SNX18: variants seen among roughly 807,000 people sequenced by gnomAD.
The protein encoded by SNX18 is sorting nexin-18.
Under a neutral mutation model 48.7 loss-of-function variants are expected in SNX18, and 35 were observed. That is an observed-to-expected ratio of 0.72 (90% confidence interval 0.55 to 0.95). SNX18 has a LOEUF of 0.95. Among genes scored for constraint, SNX18 ranks in the 40% least tolerant of loss-of-function variants. SNX18 has a pLI of 0.00. For missense variants in SNX18, 824 were observed against 871.0 expected, an observed-to-expected ratio of 0.95 and a Z score of 0.68; for synonymous variants, 492 against 384.7, an observed-to-expected ratio of 1.28 and a Z score of -3.26.
At chr5:54,569,800 A>G in the SNX18 span, among the ~76,000 whole-genome samples, 3 of 152,314 alleles carry the variant, frequency 2.0e-5, no homozygotes. Context: ...TAGGCTTGGA[A>G]GACATATAGT....
intron 1 of SNX18, among the ~76,000 whole-genome samples, chr5:54,532,607 T>C (rs955717336): frequency 6.6e-6 from 1 of 152,210 alleles, no homozygotes; most frequent in Non-Finnish European, 1.5e-5. Context: ...CATCTATATT[T>C]GCTTGGCTAC....
At chr5:54,520,530 G>GAGCAGGGAAACCTACTCCTA (rs373838488) in intron 1 of SNX18, 1 of 166,938 alleles carries the variant, frequency 6.0e-6, no homozygotes, top group Admixed American at 6.5e-5. Context: ...ACCTACTCCT[G>GAGCAGGGAAACCTACTCCTA]AGCAGGGAAA....
chr5:54,647,521 C>T, the SNX18 span, among the ~76,000 whole-genome samples: 1 of 152,110 alleles, frequency 6.6e-6, no homozygotes, highest in Non-Finnish European at 1.5e-5. Context: ...CATAGCCTGG[C>T]ATGGTTTGGG....
chr5:54,619,206 T>C, the SNX18 span, among the ~76,000 whole-genome samples: 1 of 152,040 alleles, frequency 6.6e-6, no homozygotes, highest in Non-Finnish European at 1.5e-5. Context: ...AGATGACAGA[T>C]GGTGCATTAA....
Position 54,544,635 on chromosome 5 carries a change from G to GGCC in SNX18, c.*1203_*1204insGCC, listed in dbSNP as rs1762541286. Reference sequence around the variant, plus strand: ...TTAAAAAAAAAAAAGGTATTGATGAGCCCCCCCCCCCCAGGACATTTAACC... The same window carrying GGCC: ...TTAAAAAAAAAAAAGGTATTGATGAGGCCCCCCCCCCCCCCAGGACATTTAACC... On this transcript the variant is annotated 3_prime_UTR_variant, in exon 2 of 2. Coordinates refer to ENST00000381410, the MANE Select transcript of SNX18 (RefSeq NM_001102575.2). 1 of 87,404 alleles carries GGCC rather than the reference G, an allele frequency of 1.1e-5. No individual in the cohort carries two copies. The highest frequency in any genetic ancestry group is 3.9e-5 in the African/African-American group (1 of 25,368). 5.4% of individuals were successfully genotyped at this position (87,404 alleles called of 1,614,324 possible).
At chr5:54,601,879 T>G in the SNX18 span, among the ~76,000 whole-genome samples, 2 of 131,010 alleles carry the variant, frequency 1.5e-5, no homozygotes, top group South Asian at 6.2e-4. Context: ...TGCAAACAAT[T>G]TTTTAAAGAA....
chr5:54,563,942 A>G, the SNX18 span, among the ~76,000 whole-genome samples: 1 of 152,094 alleles, frequency 6.6e-6, no homozygotes, highest in African/African-American at 2.4e-5. Context: ...AAAGGTTTAT[A>G]CATTTCTTTT....
At chr5:54,567,522 C>T in the SNX18 span, among the ~76,000 whole-genome samples, 1 of 152,014 alleles carries the variant, frequency 6.6e-6, no homozygotes, top group Non-Finnish European at 1.5e-5. Flanking sequence ...GCCTGGGAAT[C>T]GAAGATGTTT....
chr5:54,588,303 ATTCTTTTTTTTTTTTT>A, the SNX18 span, among the ~76,000 whole-genome samples: 1 of 100,392 alleles, frequency 1.0e-5, no homozygotes, highest in Non-Finnish European at 2.2e-5. Context: ...TGTTATTTCT[ATTCTTTTTTTTTTTTT>A]TTTTTTTTTT....
chr5:54,529,848 T>C (rs950083593), intron 1 of SNX18, among the ~76,000 whole-genome samples: 2 of 152,212 alleles, frequency 1.3e-5, no homozygotes, highest in East Asian at 3.9e-4. Context: ...CTGATAATGC[T>C]GAAAAATATT....
At chr5:54,593,418 T>C in the SNX18 span, among the ~76,000 whole-genome samples, 2 of 152,192 alleles carry the variant, frequency 1.3e-5, no homozygotes, top group Non-Finnish European at 2.9e-5. Context: ...AGATATACCA[T>C]GTTCATAGAT....
the SNX18 span, among the ~76,000 whole-genome samples, chr5:54,555,859 A>C: frequency 2.0e-5 from 3 of 152,082 alleles, no homozygotes; most frequent in Non-Finnish European, 4.4e-5. Context: ...AATAAAGAAA[A>C]AAAGATTGGG....
the SNX18 span, among the ~76,000 whole-genome samples, chr5:54,581,388 A>G: frequency 5.9e-5 from 9 of 152,206 alleles, no homozygotes; most frequent in Admixed American, 5.9e-4. Flanking sequence ...TGGGATTGCT[A>G]TTGCTCTGGG....
chr5:54,631,460 C>A, the SNX18 span, among the ~76,000 whole-genome samples: 3 of 150,334 alleles, frequency 2.0e-5, no homozygotes, highest in Non-Finnish European at 3.0e-5. Flanking sequence ...TTCTTTTAAC[C>A]TCTCTTTCTG....
chr5:54,580,287 T>C, the SNX18 span, among the ~76,000 whole-genome samples: 1 of 152,238 alleles, frequency 6.6e-6, no homozygotes, highest in Non-Finnish European at 1.5e-5. Flanking sequence ...GTTTTATTTA[T>C]GCTTTTGTAT....
chr5:54,570,072 A>C, the SNX18 span, among the ~76,000 whole-genome samples: 1 of 152,252 alleles, frequency 6.6e-6, no homozygotes, highest in Non-Finnish European at 1.5e-5. Flanking sequence ...TTTGCCAATG[A>C]AAACAACTTA....
At chr5:54,607,435 G>T in the SNX18 span, among the ~76,000 whole-genome samples, 3 of 152,292 alleles carry the variant, frequency 2.0e-5, no homozygotes, top group East Asian at 5.8e-4. Flanking sequence ...CTCTTTCGAT[G>T]TCTATCTGGT....
chr5:54,587,247 G>C, the SNX18 span, among the ~76,000 whole-genome samples: 1 of 152,114 alleles, frequency 6.6e-6, no homozygotes, highest in African/African-American at 2.4e-5. Context: ...AAAAAGAAGG[G>C]AATTGTCCTT....
chr5:54,588,343 T>TTTTTTTTTTTG, the SNX18 span, among the ~76,000 whole-genome samples: 1 of 78,288 alleles, frequency 1.3e-5, no homozygotes, highest in African/African-American at 5.3e-5. Context: ...TTTTTTTTTT[T>TTTTTTTTTTTG]TTGAGACGGA....
Sources: allele counts gnomAD v4.1 joint callset (sites outside exome capture counted in the v4.1 genomes callset), GRCh38; gene constraint gnomAD v4.1.1; transcripts MANE v1.5; gene names NCBI Gene and HGNC (gene_info 2026-07-23, HGNC 2026-07-21).